Variants in ANO4 observed in about 807,000 individuals in gnomAD.
ANO4 encodes the protein anoctamin 4.
In ANO4, 69 loss-of-function variants were observed where a neutral mutation model predicts 141.9. That is an observed-to-expected ratio of 0.49 (90% CI 0.40 to 0.59). The LOEUF is 0.59. ANO4 is among the 20% of genes least tolerant of loss of function. The pLI is 0.00. For synonymous variants in ANO4, 350 were observed against 394.3 expected (o/e 0.89, Z 1.33); for missense variants, 894 against 1,162.2 (o/e 0.77, Z 3.36).
intron 1 of ANO4, among the ~76,000 whole-genome samples, chr12:100,722,513 C>T (rs1468215693): frequency 4.6e-5 from 7 of 152,114 alleles, no homozygotes; most frequent in Admixed American, 4.6e-4. Flanking sequence ...CTGAACGACT[C>T]CCTCCTTCTT....
intron 9 of ANO4, among the ~76,000 whole-genome samples, chr12:101,031,059 G>C (rs2046954745): frequency 6.6e-6 from 1 of 152,192 alleles, no homozygotes. Flanking sequence ...AATAGAAAAA[G>C]AGGGACTCCT....
intron 5 of ANO4, among the ~76,000 whole-genome samples, chr12:100,967,298 C>T (rs1047414146): frequency 2.4e-4 from 36 of 152,012 alleles, no homozygotes; most frequent in Admixed American, 1.3e-4. Flanking sequence ...TTCACTTTGG[C>T]TCTTGTGCAC....
At chr12:101,040,443 T>C (rs1020669414) in intron 11 of ANO4, among the ~76,000 whole-genome samples, 2 of 152,214 alleles carry the variant, frequency 1.3e-5, no homozygotes, top group African/African-American at 4.8e-5. Context: ...AAGTAAAATA[T>C]TTACTACTGT....
chr12:101,003,835 A>G (rs1413069577), intron 8 of ANO4, among the ~76,000 whole-genome samples: 1 of 152,200 alleles, frequency 6.6e-6, no homozygotes, highest in Non-Finnish European at 1.5e-5. Context: ...AACACCTAGC[A>G]TATTTTTAGA....
In ANO4 at chr12:101,058,624, A is replaced by G. The variant is rs1002281571; in HGVS notation, c.1312+10223A>G. ...TAGGTATTTTATTCTCTTTGTAGCAATTGTGAATGGGAGTTCATTCATGAT... is the reference window on the plus strand; with the variant it reads ...TAGGTATTTTATTCTCTTTGTAGCAGTTGTGAATGGGAGTTCATTCATGAT... On this transcript the variant is annotated intron_variant, in intron 14 of 27. Coordinates refer to ENST00000392977, the MANE Select transcript of ANO4 (RefSeq NM_001286615.2). Among the ~76,000 whole-genome samples the G allele has an allele frequency of 6.6e-5, 10 of 152,156 alleles. No homozygotes were observed. The East Asian group carries it at 1.2e-3, about 18-fold the overall frequency.
chr12:100,971,690 T>G (rs2043941908), intron 6 of ANO4, among the ~76,000 whole-genome samples: 1 of 152,200 alleles, frequency 6.6e-6, no homozygotes, highest in Non-Finnish European at 1.5e-5. Context: ...AGTGCCATTT[T>G]TAGAAGTCCT....
At chr12:101,061,696 T>C (rs935102854) in intron 14 of ANO4, among the ~76,000 whole-genome samples, 1 of 151,950 alleles carries the variant, frequency 6.6e-6, no homozygotes, top group Non-Finnish European at 1.5e-5. Context: ...TTGTATATGC[T>C]TCACAAAGTT....
Position 101,099,626 on chromosome 12 carries a change from A to G in ANO4, c.2055A>G (p.Gly685=). The G allele has an allele frequency of 1.2e-6, 2 of 1,612,124 alleles. No homozygotes were observed. The highest frequency in any genetic ancestry group is 1.7e-6 in the Non-Finnish European group (2 of 1,179,408). The change falls in exon 22 of 28, where the codon GGA becomes GGG. Residue 685 remains glycine (G), a synonymous_variant. Coordinates refer to ENST00000392977, the MANE Select transcript of ANO4 (RefSeq NM_001286615.2). ...GAAGAAAAGTACGACAAGAACATGG[A>G]CCTGAAAGGAAAATAAGTTTCCCAC... ...WTRRKVRQEH[G]PERKISFPQW... is the part of the protein sequence containing the mutation.
chr12:101,091,244 C>T (rs2049759127), intron 17 of ANO4, among the ~76,000 whole-genome samples: 1 of 152,056 alleles, frequency 6.6e-6, no homozygotes, highest in African/African-American at 2.4e-5. Context: ...AATGACAAGC[C>T]ATAGCAAAGA....
intron 5 of ANO4, among the ~76,000 whole-genome samples, chr12:100,953,301 G>A (rs2043047593): frequency 6.6e-6 from 1 of 152,308 alleles, no homozygotes; most frequent in Admixed American, 6.5e-5. Flanking sequence ...AGATTTAAAA[G>A]CTTTGAAGCA....
chr12:101,010,212 A>G (rs2046028211), intron 8 of ANO4, among the ~76,000 whole-genome samples: 1 of 152,074 alleles, frequency 6.6e-6, no homozygotes, highest in Admixed American at 6.6e-5. Flanking sequence ...TGTTACTATC[A>G]TTTTCATGGG....
chr12:100,751,204 G>A (rs1020130257), intron 3 of ANO4, among the ~76,000 whole-genome samples: 8 of 152,170 alleles, frequency 5.3e-5, no homozygotes, highest in Non-Finnish European at 1.2e-4. Context: ...AGCTGGGGGT[G>A]TACCATGGGG....
intron 9 of ANO4, among the ~76,000 whole-genome samples, chr12:101,025,176 G>GA (rs1336919033): frequency 6.6e-6 from 1 of 152,102 alleles, no homozygotes; most frequent in East Asian, 1.9e-4. Context: ...AATCACAAAA[G>GA]AAAAAACAGA....
intron 3 of ANO4, among the ~76,000 whole-genome samples, chr12:100,757,545 T>C (rs2032665924): frequency 6.6e-6 from 1 of 152,244 alleles, no homozygotes; most frequent in Non-Finnish European, 1.5e-5. Context: ...GGATACCGTA[T>C]ACCATGAACT....
intron 1 of ANO4, among the ~76,000 whole-genome samples, chr12:100,727,846 A>G (rs1413697382): frequency 1.3e-5 from 2 of 152,054 alleles, no homozygotes; most frequent in African/African-American, 2.4e-5. Context: ...GAACACAACT[A>G]ACTGGTTTGG....
At chr12:101,101,589 C>T (rs112714676) in intron 22 of ANO4, among the ~76,000 whole-genome samples, 2 of 152,038 alleles carry the variant, frequency 1.3e-5, no homozygotes, top group Non-Finnish European at 2.9e-5. Flanking sequence ...CCTCAACCCT[C>T]CACATATCAT....
intron 3 of ANO4, among the ~76,000 whole-genome samples, chr12:100,753,158 G>A (rs1021860257): frequency 5.3e-5 from 8 of 152,150 alleles, no homozygotes; most frequent in South Asian, 4.1e-4. Context: ...TGATGGCAGC[G>A]TATTTGCTAA....
chr12:101,073,053 A>G (rs2048884545), intron 14 of ANO4, among the ~76,000 whole-genome samples: 1 of 152,204 alleles, frequency 6.6e-6, no homozygotes, highest in African/African-American at 2.4e-5. Context: ...AGAACTGGAA[A>G]TACCATTTGA....
intron 1 of ANO4, among the ~76,000 whole-genome samples, chr12:100,864,560 A>T (rs553978949): frequency 6.6e-6 from 1 of 152,260 alleles, no homozygotes; most frequent in South Asian, 2.1e-4. Flanking sequence ...TCTCAGCAGG[A>T]ATCCCCTCTT....
Sources: gnomAD v4.1 joint callset for allele counts (sites outside exome capture counted in the v4.1 genomes callset) on GRCh38, gnomAD v4.1.1 for gene constraint, MANE v1.5 for transcripts, NCBI Gene and HGNC (gene_info 2026-07-23, HGNC 2026-07-21) for gene names.